The following ZBTB20 variants were observed in gnomAD, a reference collection of about 807,000 sequenced individuals.
The protein encoded by ZBTB20 is zinc finger and BTB domain containing 20.
In ZBTB20, 9 loss-of-function variants were observed where a neutral mutation model predicts 56.9. That is an observed-to-expected ratio of 0.16 (90% CI 0.10 to 0.28). The LOEUF (loss-of-function observed/expected upper bound fraction) is 0.28, where lower values mean the gene tolerates loss of function less well. Among genes scored for constraint, ZBTB20 ranks in the 10% least tolerant of loss-of-function variants. The pLI, the probability that ZBTB20 is intolerant of heterozygous loss-of-function variation, is 1.00. For synonymous variants in ZBTB20, 417 were observed against 420.7 expected, an observed-to-expected ratio of 0.99 and a Z score of 0.11; for missense variants, 655 against 1,003.0, an observed-to-expected ratio of 0.65 and a Z score of 4.69.
rs1445620941 is a variant in ZBTB20 at position 114,601,336 on chromosome 3, C to T, written c.-295+92192G>A. 2.0e-5 allele frequency among the ~76,000 whole-genome samples: 3 copies of T among 152,068 alleles called. No homozygotes were observed. In the South Asian group the frequency reaches 6.2e-4, roughly 31 times the overall value. Reference sequence around the variant, plus strand: ...GCCTGGGAGTCCTTAAGACAAAACTCTCTAGTTCTAGAACAATTCAAACAA... The same window carrying T: ...GCCTGGGAGTCCTTAAGACAAAACTTTCTAGTTCTAGAACAATTCAAACAA... On this transcript the variant is annotated intron_variant, in intron 6 of 11. Transcript: ENST00000675478.
intron 2 of ZBTB20, among the ~76,000 whole-genome samples, chr3:114,998,636 T>C (rs2079121422): frequency 6.6e-6 from 1 of 151,714 alleles, no homozygotes; most frequent in Admixed American, 6.6e-5. Context: ...AAGATGTAGA[T>C]TCAAAAGAAT....
chr3:115,025,387 T>A (rs537729659), intron 2 of ZBTB20, among the ~76,000 whole-genome samples: 20 of 151,410 alleles, frequency 1.3e-4, no homozygotes, highest in Admixed American at 6.6e-4. Context: ...TTTGCTATTG[T>A]GAATAGTGCT....
chr3:114,745,216 GAAC>G (rs763282004), intron 5 of ZBTB20, among the ~76,000 whole-genome samples: 5 of 152,160 alleles, frequency 3.3e-5, no homozygotes, highest in Non-Finnish European at 5.9e-5. Flanking sequence ...GCTCAGTTTA[GAAC>G]AACAACATCA....
intron 5 of ZBTB20, among the ~76,000 whole-genome samples, chr3:114,782,079 T>C (rs1389743045): frequency 2.0e-5 from 3 of 152,174 alleles, no homozygotes; most frequent in African/African-American, 7.2e-5. Context: ...ATGGAGAACA[T>C]GAAAGCACTC....
chr3:114,809,928 T>C (rs557060007), intron 4 of ZBTB20, among the ~76,000 whole-genome samples: 3 of 152,368 alleles, frequency 2.0e-5, no homozygotes, highest in African/African-American at 7.2e-5. Context: ...GCTGTGCCGC[T>C]GCTGATGTTT....
intron 2 of ZBTB20, among the ~76,000 whole-genome samples, chr3:114,998,004 T>C (rs575736791): frequency 2.0e-5 from 3 of 151,916 alleles, no homozygotes; most frequent in East Asian, 3.9e-4. Context: ...TTTTAGGATA[T>C]ATTTAAGGTG....
At chr3:114,944,805 G>T (rs1161133518) in intron 3 of ZBTB20, among the ~76,000 whole-genome samples, 1 of 145,014 alleles carries the variant, frequency 6.9e-6, no homozygotes, top group South Asian at 2.1e-4. Flanking sequence ...TAAAATGGTG[G>T]TTACTAGAGG....
At chr3:114,655,607 C>T (rs1018720738) in intron 6 of ZBTB20, among the ~76,000 whole-genome samples, 1 of 152,176 alleles carries the variant, frequency 6.6e-6, no homozygotes, top group Non-Finnish European at 1.5e-5. Context: ...TTCAATTGCA[C>T]AACTGGCTTT....
At chr3:114,805,646 T>C (rs192424422) in intron 4 of ZBTB20, among the ~76,000 whole-genome samples, 110 of 151,962 alleles carry the variant, frequency 7.2e-4, no homozygotes, top group African/African-American at 2.3e-3. Context: ...AATCCACTCT[T>C]GTTATGTGTA....
At chr3:114,419,866 T>A (rs1302300023) in intron 7 of ZBTB20, among the ~76,000 whole-genome samples, 2 of 152,096 alleles carry the variant, frequency 1.3e-5, no homozygotes, top group Non-Finnish European at 2.9e-5. Flanking sequence ...GCTAAATCTT[T>A]AAATATCATA....
chr3:114,982,006 G>A (rs2078349825), intron 2 of ZBTB20, among the ~76,000 whole-genome samples: 1 of 151,988 alleles, frequency 6.6e-6, no homozygotes, highest in Non-Finnish European at 1.5e-5. Context: ...CCCCACCTTT[G>A]TGCAGCTGGC....
chr3:114,842,266 A>T (rs1298668670), intron 4 of ZBTB20, among the ~76,000 whole-genome samples: 1 of 151,982 alleles, frequency 6.6e-6, no homozygotes, highest in Non-Finnish European at 1.5e-5. Context: ...GTCATTTTAG[A>T]GGGGTGAAGT....
At chr3:114,691,919 C>T (rs1159349265) in intron 6 of ZBTB20, among the ~76,000 whole-genome samples, 1 of 152,050 alleles carries the variant, frequency 6.6e-6, no homozygotes, top group Non-Finnish European at 1.5e-5. Context: ...GATATGTTCT[C>T]CTTCCCCAAG....
rs907701898 is a variant in ZBTB20 at position 114,322,277 on chromosome 3, G to C, written c.*16728C>G. On this transcript the variant is annotated 3_prime_UTR_variant, in exon 12 of 12. Coordinates refer to ENST00000675478, the MANE Select transcript of ZBTB20 (RefSeq NM_001348800.3). The stretch of plus-strand genomic sequence containing the variant: ...TAAAGATCATTTACAGTGTCAAGTA[G>C]TGTTGTTTATTTTTTTCTATTTTTT... 1.3e-5 allele frequency: 2 copies of C among 152,204 alleles called. No individual in the cohort carries two copies. The highest frequency in any genetic ancestry group is 4.8e-5 in the African/African-American group (2 of 41,456). The allele number at this position is 152,204 out of a possible 1,614,324, so 9.4% of individuals were successfully genotyped here.
intron 2 of ZBTB20, among the ~76,000 whole-genome samples, chr3:115,017,212 C>T (rs923213263): frequency 5.3e-5 from 8 of 151,488 alleles, no homozygotes; most frequent in East Asian, 2.0e-4. Flanking sequence ...GTGCAAAAGT[C>T]GCTAGCGTTC....
intron 4 of ZBTB20, among the ~76,000 whole-genome samples, chr3:114,811,976 C>G (rs941301255): frequency 9.9e-5 from 15 of 152,122 alleles, no homozygotes; most frequent in Non-Finnish European, 1.3e-4. Flanking sequence ...TTCTGATGTT[C>G]GGATGTGTTC....
chr3:114,617,985 T>C (rs190855872), intron 6 of ZBTB20, among the ~76,000 whole-genome samples: 7 of 152,060 alleles, frequency 4.6e-5, no homozygotes, highest in Non-Finnish European at 8.8e-5. Flanking sequence ...CCATAGCACT[T>C]ATCATAAAAT....
At chr3:114,991,797 G>A (rs1041446210) in intron 2 of ZBTB20, among the ~76,000 whole-genome samples, 1 of 152,044 alleles carries the variant, frequency 6.6e-6, no homozygotes. Context: ...CCTGTATTGG[G>A]TGCATATATA....
intron 7 of ZBTB20, among the ~76,000 whole-genome samples, chr3:114,416,131 T>G (rs1303799547): frequency 6.6e-6 from 1 of 152,056 alleles, no homozygotes; most frequent in African/African-American, 2.4e-5. Context: ...GTAAATACTA[T>G]AGTTGAGCAT....
Sources: gnomAD v4.1 joint callset for allele counts (sites outside exome capture counted in the v4.1 genomes callset) on GRCh38, gnomAD v4.1.1 for gene constraint, MANE v1.5 for transcripts, NCBI Gene and HGNC (gene_info 2026-07-23, HGNC 2026-07-21) for gene names.